MSL2: variants seen among roughly 807,000 people sequenced by gnomAD.
MSL2 encodes E3 ubiquitin-protein ligase MSL2.
A neutral mutation model predicts 35.8 loss-of-function variants in MSL2; 2 were observed. The observed-to-expected ratio is 0.06, with a 90% CI of 0.02 to 0.18. MSL2 has a LOEUF of 0.18. Ranked by LOEUF, MSL2 falls within the 10% of genes least tolerant of loss-of-function variation. The probability of loss-of-function intolerance (pLI) is 1.00; values close to 1 mark genes in which losing one functional copy is unlikely to be tolerated. For missense variants in MSL2, 523 were observed against 706.7 expected, an observed-to-expected ratio of 0.74 and a Z score of 2.95; for synonymous variants, 296 against 255.7, an observed-to-expected ratio of 1.16 and a Z score of -1.50.
intron 1 of MSL2, among the ~76,000 whole-genome samples, chr3:136,172,044 C>T (rs1251626032): frequency 6.6e-6 from 1 of 152,096 alleles, no homozygotes; most frequent in East Asian, 1.9e-4. Flanking sequence ...ACTCCTGGCT[C>T]AAGCGATCCA....
At chr3:136,153,890 C>T (rs1939444332) in intron 1 of MSL2, among the ~76,000 whole-genome samples, 1 of 151,908 alleles carries the variant, frequency 6.6e-6, no homozygotes. Flanking sequence ...TGAGACTAGC[C>T]TGGCCAACAT....
intron 1 of MSL2, among the ~76,000 whole-genome samples, chr3:136,182,051 CA>C (rs922090946): frequency 2.8e-4 from 43 of 152,060 alleles, no homozygotes; most frequent in Admixed American, 2.6e-4. Flanking sequence ...ACACTGAAGG[CA>C]AATTTCTCAC....
chr3:136,162,409 C>A (rs1939734850), intron 1 of MSL2, among the ~76,000 whole-genome samples: 1 of 151,946 alleles, frequency 6.6e-6, no homozygotes, highest in Admixed American at 6.6e-5. Flanking sequence ...TGGCAAAACC[C>A]CATCTCTACA....
At position 136,164,881 on chromosome 3, in the gene MSL2, CTTTT is replaced by C. The variant is rs397764663; in HGVS notation, c.143-12147_143-12144del. On this transcript the variant is annotated intron_variant, in intron 1 of 1. Coordinates refer to ENST00000309993, the MANE Select transcript of MSL2 (RefSeq NM_018133.4). ...CTCACTCAAAATACACACCTTCAGA[CTTTT>C]TTTTTTTGAGTCGAAGTCTCGCTCT... 4.7e-5 allele frequency among the ~76,000 whole-genome samples: 7 copies of C among 147,538 alleles called. No individual in the cohort carries two copies. In the East Asian group the frequency reaches 7.9e-4, roughly 17 times the overall value.
chr3:136,156,031 T>A, intron 1 of MSL2: 1 of 304,414 alleles, frequency 3.3e-6, no homozygotes, highest in South Asian at 3.1e-5. Context: ...AACTACTTCT[T>A]ACCTCTCTGC....
chr3:136,190,662 G>T (rs1416837750), intron 1 of MSL2, among the ~76,000 whole-genome samples: 2 of 151,602 alleles, frequency 1.3e-5, no homozygotes, highest in African/African-American at 2.4e-5. Flanking sequence ...CAGGATTTTT[G>T]ATTGTATACA....
intron 1 of MSL2, among the ~76,000 whole-genome samples, chr3:136,178,986 T>C (rs1387229347): frequency 3.4e-5 from 4 of 116,198 alleles, no homozygotes; most frequent in Admixed American, 7.6e-5. Flanking sequence ...TTTCTTTTTT[T>C]TTTTTTTTTT....
intron 1 of MSL2, among the ~76,000 whole-genome samples, chr3:136,165,193 T>G (rs917839851): frequency 8.4e-5 from 12 of 142,464 alleles, no homozygotes; most frequent in African/African-American, 3.1e-4. Flanking sequence ...TAAAAAAAAA[T>G]GTAAAGTTCG....
intron 1 of MSL2, among the ~76,000 whole-genome samples, chr3:136,180,834 G>GAAGGAAGGAAGGAAGA (rs1940336154): frequency 6.8e-6 from 1 of 147,594 alleles, no homozygotes; most frequent in Non-Finnish European, 1.5e-5. Flanking sequence ...AGGAAGGAAG[G>GAAGGAAGGAAGGAAGA]AAGGAAGGAA....
chr3:136,179,468 A>T (rs1940275946), intron 1 of MSL2, among the ~76,000 whole-genome samples: 1 of 152,234 alleles, frequency 6.6e-6, no homozygotes, highest in Non-Finnish European at 1.5e-5. Context: ...AGCATGAGCC[A>T]TCCTGCCCAG....
At chr3:136,153,909 C>T (rs973794678) in intron 1 of MSL2, among the ~76,000 whole-genome samples, 8 of 151,812 alleles carry the variant, frequency 5.3e-5, no homozygotes, top group South Asian at 2.1e-4. Flanking sequence ...ATGGTGAAAC[C>T]CTGTCTCTAC....
At position 136,152,372 on chromosome 3, in the gene MSL2, G is replaced by A; in HGVS notation, c.509C>T (p.Pro170Leu). The A allele has an allele frequency of 6.2e-7, 1 of 1,614,184 alleles. No homozygotes were observed. The highest frequency in any genetic ancestry group is 8.5e-7 in the Non-Finnish European group (1 of 1,180,034). Residue 170 changes from proline (P) to leucine (L), a missense_variant, in exon 2 of 2, where the codon CCT (proline) becomes CTT (leucine). Pro to Leu is a moderately conservative substitution (Grantham distance 98). Coordinates refer to ENST00000309993, the MANE Select transcript of MSL2 (RefSeq NM_018133.4). ...LPSTSEPTTD[P>L]QASLSPMSES... ...AGACATTGGAGATAAACTAGCTTGA[G>A]GATCAGTTGTGGGTTCTGAGGTTGA... is the stretch of plus-strand genomic sequence containing the variant.
At chr3:136,193,743 C>T (rs1434099335) in intron 1 of MSL2, among the ~76,000 whole-genome samples, 8 of 152,080 alleles carry the variant, frequency 5.3e-5, no homozygotes, top group African/African-American at 1.9e-4. Flanking sequence ...AGGCCCAGGG[C>T]AGTTAGGTGA....
intron 1 of MSL2, among the ~76,000 whole-genome samples, chr3:136,172,090 C>A (rs1020882959): frequency 6.6e-6 from 1 of 152,074 alleles, no homozygotes; most frequent in African/African-American, 2.4e-5. Flanking sequence ...GGATTACAGG[C>A]GTGAGCCACC....
chr3:136,182,852 C>T (rs1008391355), intron 1 of MSL2, among the ~76,000 whole-genome samples: 1 of 152,152 alleles, frequency 6.6e-6, no homozygotes, highest in Non-Finnish European at 1.5e-5. Context: ...AAACAATCCC[C>T]ACAACTCACA....
At position 136,151,667 on chromosome 3, in the gene MSL2, G is replaced by C. The variant is rs771690721; in HGVS notation, c.1214C>G (p.Thr405Ser). 1 of 1,614,056 alleles carries C rather than the reference G, an allele frequency of 6.2e-7. No homozygotes were observed. Among genetic ancestry groups the C allele is most frequent in the Non-Finnish European group, 8.5e-7 (1 of 1,179,996 alleles). Residue 405 changes from threonine to serine, a missense_variant, in exon 2 of 2, where the codon ACT (threonine) becomes AGT (serine). Around this residue, in one of 5 missense-constraint regions of MSL2, gnomAD observed 361 missense variants for 414.6 expected, o/e 0.87. Transcript: ENST00000309993. This position sits in a 1 kb window ranked among gnomAD's most constrained non-coding sequence, Gnocchi z 5.2. ...TTCATGACTCTTTTTCATGCTTTTA[G>C]TAGATAAAAGTACAGTTTTGCTGAT... ...PKISKTVLLS[T>S]KSMKKSHEHG...
At position 136,189,803 on chromosome 3, in the gene MSL2, A is replaced by C. The variant is rs1026221886; in HGVS notation, c.142+5169T>G. On this transcript the variant is annotated intron_variant, in intron 1 of 1. Coordinates refer to ENST00000309993, the MANE Select transcript of MSL2 (RefSeq NM_018133.4). ...AAACTGTTAAAATAGACCCTGTTTTAACACCAATGTTTAACCTCTGACCAA... is the reference window on the plus strand; with the variant it reads ...AAACTGTTAAAATAGACCCTGTTTTCACACCAATGTTTAACCTCTGACCAA... Among the ~76,000 whole-genome samples the C allele has an allele frequency of 7.9e-5, 12 of 152,144 alleles. 1 individual carries two copies. The highest frequency in any genetic ancestry group is 2.9e-4 in the African/African-American group (12 of 41,508).
At chr3:136,188,108 A>T (rs925289061) in intron 1 of MSL2, among the ~76,000 whole-genome samples, 1 of 152,094 alleles carries the variant, frequency 6.6e-6, no homozygotes, top group African/African-American at 2.4e-5. Flanking sequence ...TGTTTACACA[A>T]GCCAAAGGTT....
Position 136,189,329 on chromosome 3 carries a change from G to A in MSL2, c.142+5643C>T, listed in dbSNP as rs952206703. Among the ~76,000 whole-genome samples, 36 of 140,996 alleles carry A rather than the reference G, an allele frequency of 2.6e-4. No individual in the cohort carries two copies. The East Asian group carries it at 5.0e-3, about 20-fold the overall frequency. The allele number at this position is 140,996 out of a possible 152,430, so 92.5% of individuals were successfully genotyped here. A position where few individuals can be genotyped will look rare whatever the true frequency, so the allele number is the denominator to read the frequency against. ...AATTAAAAAAAAAAAAAAAAGTTAA[G>A]AAAATAGATCTGCTATCTATAGCTG... On this transcript the variant is annotated intron_variant, in intron 1 of 1. Coordinates refer to ENST00000309993, the MANE Select transcript of MSL2 (RefSeq NM_018133.4).
Sources: allele counts gnomAD v4.1 joint callset (sites outside exome capture counted in the v4.1 genomes callset), GRCh38; gene constraint gnomAD v4.1.1; regional missense constraint gnomAD v4.1.1; non-coding constraint Gnocchi (gnomAD v3.1); transcripts MANE v1.5; gene names NCBI Gene and HGNC (gene_info 2026-07-23, HGNC 2026-07-21).